ASTN2: variants seen among roughly 807,000 people sequenced by gnomAD.
ASTN2 encodes the protein astrotactin-2.
A neutral mutation model predicts 139.8 loss-of-function variants in ASTN2; 54 were observed. The ratio of observed to expected loss-of-function variants is 0.39; its 90% CI spans 0.31 to 0.48. The LOEUF is 0.48. ASTN2 is among the 20% of genes least tolerant of loss of function. The pLI is 0.95. For synonymous variants in ASTN2, 756 were observed against 719.5 expected (o/e 1.05, Z -0.81); for missense variants, 1,565 against 1,725.1 (o/e 0.91, Z 1.64).
intron 19 of ASTN2, among the ~76,000 whole-genome samples, chr9:116,567,608 T>C (rs1451930674): frequency 6.6e-6 from 1 of 152,054 alleles, no homozygotes; most frequent in Non-Finnish European, 1.5e-5. Context: ...CTTCTGGCTG[T>C]AGCATGGAAG....
At chr9:116,762,952 G>T (rs542242235) in intron 13 of ASTN2, among the ~76,000 whole-genome samples, 1 of 152,232 alleles carries the variant, frequency 6.6e-6, no homozygotes. Context: ...CACAGATGAT[G>T]AAACTGAGGC....
chr9:116,666,219 C>A (rs1183734740), intron 16 of ASTN2, among the ~76,000 whole-genome samples: 1 of 152,160 alleles, frequency 6.6e-6, no homozygotes, highest in Non-Finnish European at 1.5e-5. Flanking sequence ...AGTAGTACAA[C>A]AGGCATTAAG....
intron 16 of ASTN2, among the ~76,000 whole-genome samples, chr9:116,721,128 G>A (rs188857205): frequency 2.4e-4 from 36 of 152,230 alleles, no homozygotes; most frequent in Admixed American, 2.0e-3. Context: ...GAGCTGGATG[G>A]GTCCATCCAT....
chr9:116,443,948 G>T (rs1001183426), intron 20 of ASTN2, among the ~76,000 whole-genome samples: 1 of 152,090 alleles, frequency 6.6e-6, no homozygotes, highest in East Asian at 1.9e-4. Flanking sequence ...AGCCCTGATT[G>T]GCCATACATA....
intron 10 of ASTN2, among the ~76,000 whole-genome samples, chr9:116,885,527 G>A (rs751608516): frequency 1.1e-4 from 17 of 152,034 alleles, no homozygotes; most frequent in South Asian, 2.1e-4. Context: ...TTAGCCAGGC[G>A]AGGTGGCATG....
intron 1 of ASTN2, among the ~76,000 whole-genome samples, chr9:117,402,241 G>A (rs932785877): frequency 1.3e-5 from 2 of 151,918 alleles, no homozygotes; most frequent in Non-Finnish European, 2.9e-5. Context: ...TAATTTTTGT[G>A]TTTTTAGTAG....
At chr9:116,460,547 C>T (rs563273343) in intron 20 of ASTN2, among the ~76,000 whole-genome samples, 3 of 152,168 alleles carry the variant, frequency 2.0e-5, no homozygotes, top group African/African-American at 7.2e-5. Flanking sequence ...CAACCCTTTG[C>T]GCGTATTTCC....
intron 19 of ASTN2, among the ~76,000 whole-genome samples, chr9:116,609,559 C>T (rs567055768): frequency 5.3e-5 from 8 of 151,374 alleles, no homozygotes; most frequent in East Asian, 1.9e-4. Context: ...AATCAGAAAG[C>T]ATGCATCACT....
At chr9:116,467,214 A>G (rs943511269) in intron 20 of ASTN2, among the ~76,000 whole-genome samples, 3 of 152,010 alleles carry the variant, frequency 2.0e-5, no homozygotes, top group Non-Finnish European at 2.9e-5. Flanking sequence ...AACTCACTTT[A>G]GAATGCAGCC....
chr9:117,123,614 C>A (rs932712594), intron 4 of ASTN2, among the ~76,000 whole-genome samples: 1 of 152,110 alleles, frequency 6.6e-6, no homozygotes, highest in Admixed American at 6.5e-5. Context: ...AGAGTACTGG[C>A]TGAATGTAAG....
chr9:117,325,645 G>T (rs1362612492), intron 1 of ASTN2, among the ~76,000 whole-genome samples: 3 of 152,158 alleles, frequency 2.0e-5, no homozygotes, highest in Non-Finnish European at 4.4e-5. Flanking sequence ...AATTAGGATA[G>T]ACATGCAGGG....
chr9:117,158,816 CT>C (rs1276245907), intron 3 of ASTN2, among the ~76,000 whole-genome samples: 1 of 151,992 alleles, frequency 6.6e-6, no homozygotes, highest in Admixed American at 6.6e-5. Context: ...TATCATGAAT[CT>C]CTCTGTGGCT....
intron 4 of ASTN2, among the ~76,000 whole-genome samples, chr9:117,112,019 C>G (rs891372188): frequency 1.3e-5 from 2 of 151,224 alleles, no homozygotes; most frequent in African/African-American, 4.9e-5. Flanking sequence ...AAAAAAAATT[C>G]AAAAATAATT....
chr9:116,951,993 C>T (rs1269856630), intron 10 of ASTN2, among the ~76,000 whole-genome samples: 1 of 152,158 alleles, frequency 6.6e-6, no homozygotes, highest in Non-Finnish European at 1.5e-5. Flanking sequence ...GGGACTTACC[C>T]AATAACTCAT....
chr9:117,257,859 C>T (rs898380387), intron 2 of ASTN2, among the ~76,000 whole-genome samples: 2 of 152,208 alleles, frequency 1.3e-5, no homozygotes, highest in African/African-American at 4.8e-5. Flanking sequence ...TTGCTCTGCC[C>T]TCTTTTCCAT....
intron 1 of ASTN2, among the ~76,000 whole-genome samples, chr9:117,409,278 T>G (rs953084869): frequency 5.9e-5 from 9 of 152,102 alleles, no homozygotes; most frequent in Non-Finnish European, 8.8e-5. Context: ...TTATAAGGAT[T>G]TTTTCCTCCC....
chr9:116,559,578 G>A (rs552555445), intron 19 of ASTN2, among the ~76,000 whole-genome samples: 2 of 152,234 alleles, frequency 1.3e-5, no homozygotes, highest in South Asian at 2.1e-4. Flanking sequence ...TGAATCCAAC[G>A]AGAATGTTAC....
At chr9:116,942,875 G>A (rs1212630942) in intron 10 of ASTN2, among the ~76,000 whole-genome samples, 1 of 152,160 alleles carries the variant, frequency 6.6e-6, no homozygotes, top group Non-Finnish European at 1.5e-5. Flanking sequence ...TGATGCACAT[G>A]ACCTATAATT....
At chr9:117,100,774 C>T (rs574484142) in intron 4 of ASTN2, among the ~76,000 whole-genome samples, 4 of 152,318 alleles carry the variant, frequency 2.6e-5, no homozygotes, top group African/African-American at 9.6e-5. Flanking sequence ...GAAAAAATGG[C>T]ACAGCTGGGA....
Sources: allele counts gnomAD v4.1 joint callset (sites outside exome capture counted in the v4.1 genomes callset), GRCh38; gene constraint gnomAD v4.1.1; transcripts MANE v1.5; gene names NCBI Gene and HGNC (gene_info 2026-07-23, HGNC 2026-07-21).